The following TMEM67 variants were observed in gnomAD, a reference collection of about 807,000 sequenced individuals.
The protein encoded by TMEM67 is transmembrane protein 67.
A neutral mutation model predicts 136.6 loss-of-function variants in TMEM67; 124 were observed. The ratio of observed to expected loss-of-function variants is 0.91; its 90% CI spans 0.78 to 1.05. The LOEUF is 1.05. TMEM67 is among the 50% of genes least tolerant of loss of function. The pLI is 0.00. For synonymous variants in TMEM67, 364 were observed against 390.5 expected, an observed-to-expected ratio of 0.93 and a Z score of 0.80; for missense variants, 1,107 against 1,178.4, an observed-to-expected ratio of 0.94 and a Z score of 0.89.
chr8:93,760,613 G>T (rs892803287), intron 3 of TMEM67, among the ~76,000 whole-genome samples: 1 of 151,760 alleles, frequency 6.6e-6, no homozygotes, highest in Non-Finnish European at 1.5e-5. Flanking sequence ...GGCCTAGGTG[G>T]GACGATTACT....
rs374379656 is a variant in TMEM67, at chr8:93,806,181, G to T, written c.2439+1303G>T. 7.9e-5 allele frequency among the ~76,000 whole-genome samples: 12 copies of T among 152,234 alleles called. No individual in the cohort carries two copies. The South Asian group carries it at 1.7e-3, about 21-fold the overall frequency. On this transcript the variant is annotated intron_variant, in intron 23 of 27. Coordinates refer to ENST00000453321, the MANE Select transcript of TMEM67 (RefSeq NM_153704.6). The stretch of plus-strand genomic sequence containing the variant: ...GAAAAGAAAAGGAAGGATAATGGTG[G>T]CAGTGTACGAACTATTACATTATAA...
At chr8:93,795,851 A>T in intron 17 of TMEM67, 50 bp from the exon 18 acceptor site, 1 of 1,393,772 alleles carries the variant, frequency 7.2e-7, no homozygotes, top group South Asian at 1.2e-5. Flanking sequence ...AAACAAACAA[A>T]CAAAAAAAAC....
At chr8:93,796,914 G>T (rs1814645229) in intron 18 of TMEM67, among the ~76,000 whole-genome samples, 1 of 152,150 alleles carries the variant, frequency 6.6e-6, no homozygotes, top group Non-Finnish European at 1.5e-5. Context: ...AAAAGGGAAG[G>T]TAAATTAAGA....
chr8:93,808,370 C>A (rs1808506932), intron 23 of TMEM67, among the ~76,000 whole-genome samples: 1 of 67,580 alleles, frequency 1.5e-5, no homozygotes, highest in Non-Finnish European at 3.5e-5. Flanking sequence ...ATATATTTAT[C>A]TACTATAAAT....
At chr8:93,760,114 G>A (rs1812761778) in intron 3 of TMEM67, 1 of 610,600 alleles carries the variant, frequency 1.6e-6, no homozygotes, top group South Asian at 5.3e-5. Flanking sequence ...TATTTTAAAG[G>A]ACCCTAATAA....
At chr8:93,821,986 A>G (rs904225759), downstream of TMEM67, among the ~76,000 whole-genome samples, 1 of 151,888 alleles carries the variant, frequency 6.6e-6, no homozygotes, top group African/African-American at 2.4e-5. Flanking sequence ...ACTTTTGTAA[A>G]TTTATATGTG....
At chr8:93,807,196 T>C (rs1024221272) in intron 23 of TMEM67, among the ~76,000 whole-genome samples, 3 of 152,154 alleles carry the variant, frequency 2.0e-5, no homozygotes, top group Non-Finnish European at 4.4e-5. Context: ...GTTGAATTTA[T>C]GCAGACCTTC....
intron 6 of TMEM67, chr8:93,769,714 A>G (rs567308816): frequency 6.0e-6 from 1 of 166,464 alleles, no homozygotes; most frequent in African/African-American, 2.4e-5. Context: ...TAAGTCAGTC[A>G]GATTCTAAGG....
the TMEM67 span, among the ~76,000 whole-genome samples, chr8:93,826,873 A>C: frequency 6.6e-6 from 1 of 152,166 alleles, no homozygotes; most frequent in Non-Finnish European, 1.5e-5. Context: ...TTTGTCGCCC[A>C]AGCTGGAGTG....
At chr8:93,823,149 T>A (rs1809064384), downstream of TMEM67, among the ~76,000 whole-genome samples, 1 of 152,232 alleles carries the variant, frequency 6.6e-6, no homozygotes, top group Non-Finnish European at 1.5e-5. Context: ...AGTATCATCT[T>A]ACAATTCTGG....
At position 93,766,343 on chromosome 8, in the gene TMEM67, C is replaced by T. The variant is rs187581695; in HGVS notation, c.651+697C>T. 8.4e-3 allele frequency among the ~76,000 whole-genome samples: 1,277 copies of T among 152,266 alleles called. 9 individuals are homozygous for T. The highest frequency in any genetic ancestry group is 0.022 in the South Asian group (104 of 4,828). ...CTGTGTTGGCCAGGCTGGTCTTGAA[C>T]TCCTGACCTTGTGACCCACCCACGT... On this transcript the variant is annotated intron_variant, in intron 6 of 27. Coordinates refer to ENST00000453321, the MANE Select transcript of TMEM67 (RefSeq NM_153704.6).
chr8:93,826,215 C>T, the TMEM67 span, among the ~76,000 whole-genome samples: 6 of 146,154 alleles, frequency 4.1e-5, no homozygotes, highest in East Asian at 1.1e-3. Context: ...TTGCAAGCTC[C>T]GCCTCCCAGG....
At chr8:93,808,296 T>A (rs918609969) in intron 23 of TMEM67, among the ~76,000 whole-genome samples, 7 of 142,930 alleles carry the variant, frequency 4.9e-5, no homozygotes, top group Non-Finnish European at 1.1e-4. Context: ...ATGGATTATA[T>A]ATATTATCAT....
chr8:93,815,314 A>G lies in TMEM67; in HGVS notation c.2774A>G (p.Tyr925Cys), dbSNP rs376103225. The change falls in exon 27 of 28, where the codon TAT becomes TGT. Residue 925 changes from tyrosine to cysteine, a missense_variant. Around this residue, in one of 3 missense-constraint regions of TMEM67, gnomAD observed 925 missense variants for 1,002.4 expected, o/e 0.92. Coordinates refer to ENST00000453321, the MANE Select transcript of TMEM67 (RefSeq NM_153704.6). ...TAAATTTTTTTAATAGATGAAGGTT[A>G]TTCTTTCAGCAGTGTCCTGTATTAT... The part of the protein sequence containing the change: ...EKSIFYNDEG[Y>C]SFSSVLYYGN... 13 of 1,568,548 alleles carry G rather than the reference A, an allele frequency of 8.3e-6. No homozygotes were observed. The African/African-American group carries it at 1.6e-4, about 20-fold the overall frequency.
chr8:93,832,453 T>C, the TMEM67 span, among the ~76,000 whole-genome samples: 1 of 152,192 alleles, frequency 6.6e-6, no homozygotes, highest in East Asian at 1.9e-4. Flanking sequence ...CTTTCCAGAA[T>C]ATGCCTTGGA....
chr8:93,758,030 A>G (rs1244558474), intron 2 of TMEM67, among the ~76,000 whole-genome samples: 1 of 152,236 alleles, frequency 6.6e-6, no homozygotes, highest in Non-Finnish European at 1.5e-5. Context: ...TGCTGGAATT[A>G]CAGACGTGAG....
intron 2 of TMEM67, chr8:93,756,813 T>G (rs1812592157): frequency 6.6e-6 from 1 of 152,222 alleles, no homozygotes. Flanking sequence ...CAGTGGCTCA[T>G]GCCTGTAATC....
Position 93,793,158 on chromosome 8 carries a change from A to G in TMEM67, c.1576-40A>G, listed in dbSNP as rs764953491. 6.4e-6 allele frequency: 10 copies of G among 1,569,386 alleles called. No individual in the cohort carries two copies. The South Asian group carries it at 1.1e-4, about 17-fold the overall frequency. On this transcript the variant is annotated intron_variant, in intron 15 of 27. Coordinates refer to ENST00000453321, the MANE Select transcript of TMEM67 (RefSeq NM_153704.6). ...CACAGTGTTTTTGAACACCGATGAC[A>G]GAAATTACATAAATTCTCAATTGTT...
chr8:93,779,287 C>T lies in TMEM67; in HGVS notation c.715-1306C>T, dbSNP rs140886792. Among the ~76,000 whole-genome samples, 27 of 152,216 alleles carry T rather than the reference C, an allele frequency of 1.8e-4. No homozygotes were observed. The East Asian group carries it at 4.6e-3, about 26-fold the overall frequency. ...TTTTTCAAGGTTTTTAGCTTCCTTC[C>T]GACGGGTTCGAACATCCTCCTTTAG... On this transcript the variant is annotated intron_variant, in intron 7 of 27. Coordinates refer to ENST00000453321, the MANE Select transcript of TMEM67 (RefSeq NM_153704.6).
Sources: gnomAD v4.1 joint callset for allele counts (sites outside exome capture counted in the v4.1 genomes callset) on GRCh38, gnomAD v4.1.1 for gene constraint, gnomAD v4.1.1 regional missense constraint, MANE v1.5 for transcripts, NCBI Gene and HGNC (gene_info 2026-07-23, HGNC 2026-07-21) for gene names.